P2RY8: variants seen among roughly 807,000 people sequenced by gnomAD.
The protein encoded by P2RY8 is P2Y receptor family member 8.
Under a neutral mutation model 10.0 loss-of-function variants are expected in P2RY8, and 6 were observed. That is an observed-to-expected ratio of 0.60 (90% CI 0.33 to 1.19). The LOEUF (loss-of-function observed/expected upper bound fraction) is 1.19, where lower values mean the gene tolerates loss of function less well. Ranked by LOEUF, P2RY8 falls within the 50% of genes most tolerant of loss-of-function variation. P2RY8 has a pLI of 0.04. For synonymous variants in P2RY8, 276 were observed against 252.5 expected (o/e 1.09, Z -0.88); for missense variants, 456 against 542.0 (o/e 0.84, Z 1.58).
chrX:1,527,490 C>T (rs1258039318), intron 1 of P2RY8, among the ~76,000 whole-genome samples: 1 of 152,134 alleles, frequency 6.6e-6, no homozygotes, highest in East Asian at 1.9e-4. Flanking sequence ...TCAATCCATC[C>T]ATTCAGTCAT....
In P2RY8 at chrX:1,462,960, A is replaced by G. The variant is rs182147309; in HGVS notation, c.*2519T>C. The stretch of plus-strand genomic sequence containing the variant: ...CTGCTCTCCATAGCCAAGTGGCTGC[A>G]AAAATCATCATACTGACAAAAAAAA... On this transcript the variant is annotated 3_prime_UTR_variant, in exon 2 of 2. Transcript: ENST00000381297. The G allele has an allele frequency of 8.4e-4, 179 of 212,548 alleles. 3 individuals are homozygous for G. Among genetic ancestry groups the G allele is most frequent in the African/African-American group, 4.0e-3 (168 of 42,034 alleles). 13.2% of individuals were successfully genotyped at this position (212,548 alleles called of 1,614,324 possible).
chrX:1,520,881 A>G (rs1276224699), intron 1 of P2RY8, among the ~76,000 whole-genome samples: 2 of 150,200 alleles, frequency 1.3e-5, no homozygotes, highest in South Asian at 2.1e-4. Context: ...GTTCCCAATA[A>G]TTTCCCTTGT....
At chrX:1,482,160 G>GGTGT (rs5901178) in intron 1 of P2RY8, among the ~76,000 whole-genome samples, 2,162 of 147,058 alleles carry the variant, frequency 0.015, 17 homozygotes, top group African/African-American at 0.018. Context: ...TTGTGTGTGT[G>GGTGT]GTGTGTGTGT....
At chrX:1,518,126 A>G (rs2092364174) in intron 1 of P2RY8, among the ~76,000 whole-genome samples, 2 of 124,828 alleles carry the variant, frequency 1.6e-5, no homozygotes, top group South Asian at 5.3e-4. Flanking sequence ...AAATAAAAAA[A>G]TAAATAAAAA....
intron 1 of P2RY8, among the ~76,000 whole-genome samples, chrX:1,493,327 AGGGG>A (rs1170783596): frequency 4.1e-5 from 2 of 49,354 alleles, no homozygotes; most frequent in African/African-American, 1.7e-4. Context: ...AGAGGAGGGG[AGGGG>A]AGGGGAGGGG....
chrX:1,499,163 C>CTTTTTT (rs1163119480), intron 1 of P2RY8, among the ~76,000 whole-genome samples: 5 of 48,436 alleles, frequency 1.0e-4, no homozygotes, highest in East Asian at 5.6e-4. Context: ...TTTTTCTTTT[C>CTTTTTT]TTTTTTTTTT....
In P2RY8 at chrX:1,524,661, C is replaced by T. The variant is rs865866500; in HGVS notation, c.-25+12260G>A. On this transcript the variant is annotated intron_variant, in intron 1 of 1. Transcript: ENST00000381297. ...TCCATCCATACATCCATCCATCCAT[C>T]CATCCATTCATCCATCCATCCATCC... is the stretch of plus-strand genomic sequence containing the variant. 2.1e-3 allele frequency among the ~76,000 whole-genome samples: 74 copies of T among 34,942 alleles called. 18 individuals are homozygous for T. The highest frequency in any genetic ancestry group is 3.1e-3 in the Non-Finnish European group (46 of 15,002). 22.9% of individuals were successfully genotyped at this position (34,942 alleles called of 152,430 possible).
chrX:1,482,617 T>C (rs2091947777), intron 1 of P2RY8, among the ~76,000 whole-genome samples: 1 of 152,136 alleles, frequency 6.6e-6, no homozygotes, highest in African/African-American at 2.4e-5. Context: ...TAGATCTAAA[T>C]TTAAGTATTT....
At chrX:1,466,700 G>A in intron 1 of P2RY8, 118 bp from the exon 2 acceptor site, 1 of 968,566 alleles carries the variant, frequency 1.0e-6, no homozygotes, top group Non-Finnish European at 1.5e-6. Context: ...CTTTAGCAGG[G>A]CCTGCTGTCT....
Position 1,530,475 on chromosome X carries a change from T to G in P2RY8, c.-25+6446A>C, listed in dbSNP as rs763915342. 5.5e-5 allele frequency among the ~76,000 whole-genome samples: 8 copies of G among 145,618 alleles called. No homozygotes were observed. In the East Asian group the frequency reaches 1.3e-3, roughly 23 times the overall value. The stretch of plus-strand genomic sequence containing the variant: ...ATTTATCCATGTATGTATGTATGTA[T>G]CTACCTATCTAATCTATGTATGTAT... On this transcript the variant is annotated intron_variant, in intron 1 of 1. Transcript: ENST00000381297.
chrX:1,507,359 C>T (rs1450128969), intron 1 of P2RY8, among the ~76,000 whole-genome samples: 1 of 152,108 alleles, frequency 6.6e-6, no homozygotes, highest in Non-Finnish European at 1.5e-5. Context: ...TGTCAGTCAG[C>T]ACCCACTACT....
Position 1,526,105 on chromosome X carries a change from C to T in P2RY8, c.-25+10816G>A, listed in dbSNP as rs758500655. 1.9e-4 allele frequency among the ~76,000 whole-genome samples: 29 copies of T among 150,904 alleles called. No homozygotes were observed. The East Asian group carries it at 5.4e-3, about 28-fold the overall frequency. Reference sequence around the variant, plus strand: ...AGTCATCCATCCATTTATCAATACACCCACTATTCAGACACCCATTCATTT... The same window carrying T: ...AGTCATCCATCCATTTATCAATACATCCACTATTCAGACACCCATTCATTT... On this transcript the variant is annotated intron_variant, in intron 1 of 1. Coordinates refer to ENST00000381297, the MANE Select transcript of P2RY8 (RefSeq NM_178129.5).
At chrX:1,472,982 G>C (rs1232152877) in intron 1 of P2RY8, among the ~76,000 whole-genome samples, 7 of 122,870 alleles carry the variant, frequency 5.7e-5, no homozygotes, top group Non-Finnish European at 5.3e-5. Context: ...GTGGATGGAT[G>C]GGGGTGGGTG....
chrX:1,516,799 C>G (rs1194139389), intron 1 of P2RY8, among the ~76,000 whole-genome samples: 69 of 151,738 alleles, frequency 4.5e-4, no homozygotes, highest in African/African-American at 1.6e-3. Context: ...AGGGGCGACC[C>G]TGTGAGGACA....
At chrX:1,469,765 T>C (rs1299808842) in intron 1 of P2RY8, among the ~76,000 whole-genome samples, 1 of 151,710 alleles carries the variant, frequency 6.6e-6, no homozygotes, top group East Asian at 2.0e-4. Context: ...CCGGGCGTGG[T>C]GGCATGGTGG....
intron 1 of P2RY8, among the ~76,000 whole-genome samples, chrX:1,518,953 A>C (rs1330659303): frequency 6.6e-6 from 1 of 150,684 alleles, no homozygotes; most frequent in Non-Finnish European, 1.5e-5. Context: ...TGCCCCCAGT[A>C]ATCTCCCTGG....
chrX:1,511,548 C>CTCGG (rs2149403712), intron 1 of P2RY8, among the ~76,000 whole-genome samples: 1 of 152,290 alleles, frequency 6.6e-6, no homozygotes, highest in Non-Finnish European at 1.5e-5. Flanking sequence ...GCGACGAGAT[C>CTCGG]TCGGTCTGTC....
At chrX:1,516,864 C>T (rs2092354935) in intron 1 of P2RY8, among the ~76,000 whole-genome samples, 3 of 151,440 alleles carry the variant, frequency 2.0e-5, no homozygotes, top group Non-Finnish European at 2.9e-5. Flanking sequence ...AGGAACCAGC[C>T]CTGCCCGTTC....
At position 1,465,543 on chromosome X, in the gene P2RY8, G is replaced by A; in HGVS notation, c.1016C>T (p.Ala339Val). ...RTTSVRSEAG[A>V]HPEGMEGATR... Reference sequence around the variant, plus strand: ...GGCTCCCTCCATCCCTTCAGGGTGCGCACCGGCCTCGGAGCGCACGGACGT... The same window carrying A: ...GGCTCCCTCCATCCCTTCAGGGTGCACACCGGCCTCGGAGCGCACGGACGT... The change falls in exon 2 of 2, where the codon GCG (alanine) becomes GTG (valine). Residue 339 changes from alanine to valine, a missense_variant. Coordinates refer to ENST00000381297, the MANE Select transcript of P2RY8 (RefSeq NM_178129.5). The A allele has an allele frequency of 1.2e-6, 2 of 1,612,104 alleles. No individual in the cohort carries two copies. The highest frequency in any genetic ancestry group is 1.7e-6 in the Non-Finnish European group (2 of 1,179,718).
Sources: gnomAD v4.1 joint callset for allele counts (sites outside exome capture counted in the v4.1 genomes callset) on GRCh38, gnomAD v4.1.1 for gene constraint, MANE v1.5 for transcripts, NCBI Gene and HGNC (gene_info 2026-07-23, HGNC 2026-07-21) for gene names.